PROSER3: variants seen among roughly 807,000 people sequenced by gnomAD.
PROSER3 encodes proline and serine rich 3.
PROSER3 carries 33 observed loss-of-function variants against 50.2 expected under a neutral mutation model. The ratio of observed to expected loss-of-function variants is 0.66; its 90% confidence interval spans 0.50 to 0.88. PROSER3 has a LOEUF of 0.88. Among genes scored for constraint, PROSER3 ranks in the 40% least tolerant of loss-of-function variants. The pLI is 0.00. For synonymous variants in PROSER3, 266 were observed against 259.3 expected (o/e 1.03, Z -0.25); for missense variants, 623 against 612.7 (o/e 1.02, Z -0.18).
rs776176354 is a variant in PROSER3 at position 35,765,032 on chromosome 19, A to G, written c.627-2A>G. On this transcript the variant is annotated splice_acceptor_variant, in intron 6 of 10. Coordinates refer to ENST00000396908, the Ensembl canonical transcript of PROSER3. LOFTEE classifies it high-confidence loss of function. ...TGCCTCACTCCTGCCTTCTCCCTGC[A>G]GCAAAGCCTCCATCTCCTCCTCCTC... The G allele has an allele frequency of 1.9e-6, 3 of 1,613,206 alleles. No individual in the cohort carries two copies. Among genetic ancestry groups the G allele is most frequent in the Non-Finnish European group, 2.5e-6 (3 of 1,179,602 alleles).
At chr19:35,768,603 T>C in exon 11 of PROSER3, 2 of 1,505,688 alleles carry the variant, frequency 1.3e-6, no homozygotes, top group Non-Finnish European at 1.8e-6. Context: ...ATACAGTTAC[T>C]GGTTATCTGT....
exon 2 of PROSER3, chr19:35,759,403 C>G (rs1180404059): frequency 6.2e-7 from 1 of 1,613,674 alleles, no homozygotes; most frequent in South Asian, 1.1e-5. Context: ...CAAGATAGTC[C>G]CTTTGGAGAT....
intron 5 of PROSER3, among the ~76,000 whole-genome samples, chr19:35,764,541 A>G (rs1252765118): frequency 6.6e-6 from 1 of 152,030 alleles, no homozygotes; most frequent in Non-Finnish European, 1.5e-5. Context: ...CTGTAATCCC[A>G]GGTACTTGGG....
intron 5 of PROSER3, chr19:35,762,815 C>G (rs7256373): frequency 6.6e-6 from 1 of 151,068 alleles, no homozygotes; most frequent in Non-Finnish European, 1.5e-5. Context: ...AGGCAGATCA[C>G]GAGGTCAGGA....
At chr19:35,768,345 G>A (rs1398075323) in intron 10 of PROSER3, 59 bp from the exon 11 acceptor site, 1 of 1,581,982 alleles carries the variant, frequency 6.3e-7, no homozygotes, top group African/African-American at 1.3e-5. Flanking sequence ...TCCGTCCACA[G>A]CCCCAGATTC....
At chr19:35,764,975 G>A (rs1252540195) in intron 6 of PROSER3, 39 bp downstream of exon 6, 1 of 1,612,688 alleles carries the variant, frequency 6.2e-7, no homozygotes, top group Non-Finnish European at 8.5e-7. Context: ...TCCTACTGCG[G>A]CTCCACGTGG....
In PROSER3 at chr19:35,764,891, A is replaced by G. The variant is rs1971084862; in HGVS notation, c.581A>G (p.Glu194Gly). The change falls in exon 6 of 11, where the codon GAG becomes GGG. Residue 194 changes from glutamate (E) to glycine (G), a missense_variant. Around this residue, in one of 3 missense-constraint regions of PROSER3, gnomAD observed 236 missense variants for 243.6 expected, o/e 0.97. Coordinates refer to ENST00000396908, the Ensembl canonical transcript of PROSER3. ...TGGAACTCATCCCTGCTGGACCTGG[A>G]GACGCTGAGCCTACAGAGCAGAGCT... 1.2e-6 allele frequency: 2 copies of G among 1,613,732 alleles called. No individual in the cohort carries two copies. Among genetic ancestry groups the G allele is most frequent in the Non-Finnish European group, 1.7e-6 (2 of 1,179,844 alleles).
At chr19:35,767,967 G>C (rs762108049) in exon 9 of PROSER3, 5 of 1,607,812 alleles carry the variant, frequency 3.1e-6, no homozygotes, top group Middle Eastern at 1.7e-4. Context: ...TTCCAGGTGG[G>C]GTCTCCGGAG....
chr19:35,762,182 TA>T (rs1461718775), intron 4 of PROSER3, 36 bp downstream of exon 4: 1 of 1,590,962 alleles, frequency 6.3e-7, no homozygotes, highest in Admixed American at 1.7e-5. Context: ...CTCCCACCCC[TA>T]AACCTTTGCT....
chr19:35,759,761 T>C (rs1970892608), intron 2 of PROSER3, 28 bp from the exon 3 acceptor site: 1 of 1,541,758 alleles, frequency 6.5e-7, no homozygotes, highest in African/African-American at 1.4e-5. Flanking sequence ...CTCACACTTT[T>C]TCTTCTTGTG....
chr19:35,759,817 C>A, exon 3 of PROSER3: 1 of 1,568,806 alleles, frequency 6.4e-7, no homozygotes. Flanking sequence ...TCTCAGAGAT[C>A]CAGGCTCCCA....
exon 6 of PROSER3, chr19:35,764,882 T>C (rs1349693047): frequency 1.9e-6 from 3 of 1,613,692 alleles, no homozygotes; most frequent in African/African-American, 2.7e-5. Context: ...TCATCCCTGC[T>C]GGACCTGGAG....
chr19:35,767,898 C>T (rs1439755797), exon 9 of PROSER3: 41 of 1,613,142 alleles, frequency 2.5e-5, no homozygotes, highest in Non-Finnish European at 3.4e-5. Flanking sequence ...TGCCTGCAGC[C>T]CGAGGTCCCA....
chr19:35,759,882 T>A (rs1046103899), exon 3 of PROSER3: 4 of 1,590,410 alleles, frequency 2.5e-6, no homozygotes, highest in Non-Finnish European at 3.4e-6. Context: ...GTTTGAGGAG[T>A]CCTGGCCATC....
At chr19:35,764,037 C>T (rs1191590247) in intron 5 of PROSER3, among the ~76,000 whole-genome samples, 1 of 151,984 alleles carries the variant, frequency 6.6e-6, no homozygotes, top group African/African-American at 2.4e-5. Context: ...ATCTTCCTGC[C>T]TCGGCCTCCT....
exon 7 of PROSER3, chr19:35,765,052 C>T (rs767837538): frequency 3.3e-5 from 54 of 1,613,732 alleles, no homozygotes; most frequent in Non-Finnish European, 4.5e-5. Flanking sequence ...CCATCTCCTC[C>T]TCCTCCTCCC....
chr19:35,766,937 C>T (rs1370511588), exon 8 of PROSER3: 1 of 1,554,090 alleles, frequency 6.4e-7, no homozygotes, highest in Non-Finnish European at 8.7e-7. Context: ...CGCCTCTGAC[C>T]CCTGCCCTCC....
intron 3 of PROSER3, among the ~76,000 whole-genome samples, chr19:35,761,791 T>G (rs1970959336): frequency 6.6e-6 from 1 of 151,802 alleles, no homozygotes; most frequent in Non-Finnish European, 1.5e-5. Context: ...AGCCCAGGAG[T>G]TGGGGGCTGC....
At chr19:35,763,047 A>T (rs527702556) in intron 5 of PROSER3, 17 of 152,128 alleles carry the variant, frequency 1.1e-4, no homozygotes, top group Admixed American at 5.9e-4. Context: ...AAAAAAAAGA[A>T]TTAGAGCTGA....
Sources: allele counts gnomAD v4.1 joint callset (sites outside exome capture counted in the v4.1 genomes callset), GRCh38; gene constraint gnomAD v4.1.1; regional missense constraint gnomAD v4.1.1; transcripts MANE v1.5; gene names NCBI Gene and HGNC (gene_info 2026-07-23, HGNC 2026-07-21).